Variants in CABLES1 observed in about 807,000 individuals in gnomAD.
CABLES1 encodes the protein CDK5 and ABL1 enzyme substrate 1.
A neutral mutation model predicts 57.8 loss-of-function variants in CABLES1; 36 were observed. The ratio of observed to expected loss-of-function variants is 0.62; its 90% CI spans 0.48 to 0.82. CABLES1 has a LOEUF of 0.82. Among genes scored for constraint, CABLES1 ranks in the 40% least tolerant of loss-of-function variants. The pLI, the probability that CABLES1 is intolerant of heterozygous loss-of-function variation, is 0.00. For missense variants in CABLES1, 767 were observed against 836.6 expected (o/e 0.92, Z 1.03); for synonymous variants, 374 against 363.0 (o/e 1.03, Z -0.35).
chr18:23,151,723 G>A (rs571235788), intron 1 of CABLES1, among the ~76,000 whole-genome samples: 2 of 152,282 alleles, frequency 1.3e-5, no homozygotes, highest in East Asian at 3.9e-4. Context: ...GGTGACTGCT[G>A]AACTAAGGTC....
chr18:23,243,974 C>T (rs939207375), intron 7 of CABLES1, among the ~76,000 whole-genome samples: 4 of 152,108 alleles, frequency 2.6e-5, no homozygotes, highest in South Asian at 2.1e-4. Flanking sequence ...TTTTGACAGT[C>T]GCTTCGTGAT....
At chr18:23,221,795 G>A (rs996747162) in intron 4 of CABLES1, among the ~76,000 whole-genome samples, 7 of 152,284 alleles carry the variant, frequency 4.6e-5, no homozygotes, top group African/African-American at 1.7e-4. Context: ...GGTATCATGA[G>A]CTAGTCTATG....
intron 3 of CABLES1, among the ~76,000 whole-genome samples, chr18:23,207,993 C>A (rs1426753216): frequency 2.0e-5 from 3 of 152,174 alleles, no homozygotes; most frequent in African/African-American, 7.2e-5. Flanking sequence ...AGTTCCCTGG[C>A]TCCAGATGCC....
intron 9 of CABLES1, 23 bp downstream of exon 9, chr18:23,253,959 G>C: frequency 6.2e-7 from 1 of 1,604,166 alleles, no homozygotes; most frequent in East Asian, 2.2e-5. Context: ...TTTCCTGGTG[G>C]CTGGAGGAGC....
At chr18:23,181,496 CAAAA>C (rs59742943) in intron 1 of CABLES1, among the ~76,000 whole-genome samples, 96 of 35,390 alleles carry the variant, frequency 2.7e-3, no homozygotes, top group Middle Eastern at 0.05. Context: ...AGCTTCGTCT[CAAAA>C]AAAAAAAAAA....
At chr18:23,202,387 G>A (rs1440003590) in intron 3 of CABLES1, among the ~76,000 whole-genome samples, 3 of 152,214 alleles carry the variant, frequency 2.0e-5, no homozygotes, top group African/African-American at 4.8e-5. Context: ...AAGAGAGGTG[G>A]CTGGCGGCCC....
intron 1 of CABLES1, among the ~76,000 whole-genome samples, chr18:23,173,325 G>A (rs1421099068): frequency 2.6e-5 from 4 of 152,206 alleles, no homozygotes; most frequent in Non-Finnish European, 4.4e-5. Flanking sequence ...ACATTTGAAA[G>A]GAAAGGGAAT....
intron 9 of CABLES1, among the ~76,000 whole-genome samples, chr18:23,254,251 G>A (rs2048109640): frequency 2.6e-5 from 4 of 152,244 alleles, no homozygotes; most frequent in Admixed American, 2.6e-4. Flanking sequence ...CCCCCAGGCA[G>A]TGTGACCCAC....
At chr18:23,249,247 CTG>C (rs1359258221) in intron 7 of CABLES1, among the ~76,000 whole-genome samples, 2 of 152,214 alleles carry the variant, frequency 1.3e-5, no homozygotes, top group Non-Finnish European at 2.9e-5. Flanking sequence ...GGAAGTGTAA[CTG>C]TTAGCTTTCC....
intron 1 of CABLES1, among the ~76,000 whole-genome samples, chr18:23,185,644 T>C (rs1257503284): frequency 6.6e-6 from 1 of 152,112 alleles, no homozygotes; most frequent in African/African-American, 2.4e-5. Context: ...CCTTCAGCCC[T>C]TCTTCTGCAT....
chr18:23,207,357 T>C (rs1303512151), intron 3 of CABLES1, among the ~76,000 whole-genome samples: 1 of 152,154 alleles, frequency 6.6e-6, no homozygotes, highest in Non-Finnish European at 1.5e-5. Flanking sequence ...CTCAGTTCCT[T>C]GAATAGGCTG....
At chr18:23,143,286 C>A (rs939078095) in intron 1 of CABLES1, among the ~76,000 whole-genome samples, 1 of 152,202 alleles carries the variant, frequency 6.6e-6, no homozygotes, top group African/African-American at 2.4e-5. Context: ...CCTGTGCTTC[C>A]TCTCTTCTTG....
intron 1 of CABLES1, among the ~76,000 whole-genome samples, chr18:23,177,928 G>A (rs1252822192): frequency 6.6e-6 from 1 of 152,190 alleles, no homozygotes. Context: ...CCTTTGCAGA[G>A]AACGCCTGGA....
chr18:23,190,884 G>C (rs2047237730), intron 2 of CABLES1, among the ~76,000 whole-genome samples: 1 of 151,972 alleles, frequency 6.6e-6, no homozygotes, highest in Non-Finnish European at 1.5e-5. Flanking sequence ...AGACCAGCCT[G>C]GGCAATGTAG....
At chr18:23,256,573 C>T (rs1222547473) in intron 9 of CABLES1, among the ~76,000 whole-genome samples, 2 of 152,140 alleles carry the variant, frequency 1.3e-5, no homozygotes, top group Non-Finnish European at 2.9e-5. Flanking sequence ...CTCCACCTCC[C>T]GGGTTCAAGT....
rs2048234740 is a variant in CABLES1 at position 23,259,111 on chromosome 18, A to AT, written c.*1746dup. 6.6e-6 allele frequency: 1 copy of AT among 152,162 alleles called. No individual in the cohort carries two copies. The highest frequency in any genetic ancestry group is 1.5e-5 in the Non-Finnish European group (1 of 68,042). 9.4% of individuals were successfully genotyped at this position (152,162 alleles called of 1,614,324 possible). A position where few individuals can be genotyped will look rare whatever the true frequency, so the allele number is the denominator to read the frequency against. Reference sequence around the variant, plus strand: ...GTTTATAAAGCAAAATTGAGAAAATATTCAAGGTGCCTCCATCGCCTGAAC... The same window carrying AT: ...GTTTATAAAGCAAAATTGAGAAAATATTTCAAGGTGCCTCCATCGCCTGAAC... On this transcript the variant is annotated 3_prime_UTR_variant, in exon 10 of 10. Coordinates refer to ENST00000256925, the MANE Select transcript of CABLES1 (RefSeq NM_001100619.3).
At chr18:23,192,183 C>A (rs950339175) in intron 2 of CABLES1, among the ~76,000 whole-genome samples, 1 of 152,164 alleles carries the variant, frequency 6.6e-6, no homozygotes, top group African/African-American at 2.4e-5. Context: ...TAGTGGTTAC[C>A]TGGTGTCCAA....
intron 4 of CABLES1, among the ~76,000 whole-genome samples, chr18:23,228,012 A>C (rs568981913): frequency 1.3e-5 from 2 of 152,200 alleles, no homozygotes; most frequent in East Asian, 1.9e-4. Flanking sequence ...AGTCAGGACC[A>C]CTCCATTTTG....
At chr18:23,209,408 A>G (rs1293805113) in intron 3 of CABLES1, among the ~76,000 whole-genome samples, 2 of 152,192 alleles carry the variant, frequency 1.3e-5, no homozygotes, top group Non-Finnish European at 2.9e-5. Flanking sequence ...GGGTTCCAAC[A>G]TGTCATTTGG....
Sources: gnomAD v4.1 joint callset for allele counts (sites outside exome capture counted in the v4.1 genomes callset) on GRCh38, gnomAD v4.1.1 for gene constraint, MANE v1.5 for transcripts, NCBI Gene and HGNC (gene_info 2026-07-23, HGNC 2026-07-21) for gene names.